ITFG1: variants seen among roughly 807,000 people sequenced by gnomAD.
ITFG1 encodes T-cell immunomodulatory protein.
A neutral mutation model predicts 81.8 loss-of-function variants in ITFG1; 34 were observed. That is an observed-to-expected ratio of 0.42 (90% CI 0.32 to 0.55). ITFG1 has a LOEUF of 0.55. ITFG1 is among the 20% of genes least tolerant of loss of function. The pLI is 0.17. For synonymous variants in ITFG1, 285 were observed against 270.6 expected, an observed-to-expected ratio of 1.05 and a Z score of -0.52; for missense variants, 672 against 755.4, an observed-to-expected ratio of 0.89 and a Z score of 1.29.
At chr16:47,193,094 C>A (rs1965312941) in intron 14 of ITFG1, among the ~76,000 whole-genome samples, 1 of 150,366 alleles carries the variant, frequency 6.7e-6, no homozygotes, top group South Asian at 2.1e-4. Flanking sequence ...TCAGTTTGTT[C>A]TTTTTTTTTG....
intron 6 of ITFG1, among the ~76,000 whole-genome samples, chr16:47,376,964 CAAAAAAAAAA>C (rs1222007051): frequency 5.5e-5 from 1 of 18,076 alleles, no homozygotes; most frequent in Admixed American, 8.5e-4. Context: ...TCTGTCTCCC[CAAAAAAAAAA>C]AAAAAAAAAA....
At chr16:47,313,697 A>G in intron 9 of ITFG1, 32 bp downstream of exon 9, 1 of 1,241,446 alleles carries the variant, frequency 8.1e-7, no homozygotes, top group Non-Finnish European at 1.1e-6. Context: ...CACATAAAAA[A>G]AAATGTTTAC....
intron 6 of ITFG1, among the ~76,000 whole-genome samples, chr16:47,404,978 A>C (rs1361227363): frequency 1.3e-5 from 2 of 151,408 alleles, no homozygotes; most frequent in African/African-American, 4.9e-5. Context: ...AGTTTATCTT[A>C]TTTTCTTGAT....
chr16:47,438,762 C>G (rs990598973), intron 5 of ITFG1, among the ~76,000 whole-genome samples: 1 of 152,148 alleles, frequency 6.6e-6, no homozygotes, highest in Admixed American at 6.5e-5. Context: ...ACTAGAAACT[C>G]TAAAAATCAG....
At chr16:47,389,054 A>G (rs1423637341) in intron 6 of ITFG1, among the ~76,000 whole-genome samples, 4 of 152,212 alleles carry the variant, frequency 2.6e-5, no homozygotes, top group Non-Finnish European at 5.9e-5. Context: ...GTTTAAAAGT[A>G]GGAAAAGCCC....
intron 14 of ITFG1, among the ~76,000 whole-genome samples, chr16:47,170,017 C>T (rs1240215258): frequency 1.3e-5 from 2 of 152,202 alleles, no homozygotes; most frequent in African/African-American, 2.4e-5. Context: ...ACAATCCTTG[C>T]ATTCCTGGGA....
intron 8 of ITFG1, among the ~76,000 whole-genome samples, chr16:47,324,982 C>A (rs1378500891): frequency 6.6e-6 from 1 of 152,164 alleles, no homozygotes. Context: ...ACCAAGCGGA[C>A]CTAATAGACA....
At chr16:47,324,997 C>T (rs1967511321) in intron 8 of ITFG1, among the ~76,000 whole-genome samples, 1 of 152,204 alleles carries the variant, frequency 6.6e-6, no homozygotes, top group South Asian at 2.1e-4. Context: ...TAGACATCTA[C>T]AGAACTCTCT....
intron 12 of ITFG1, among the ~76,000 whole-genome samples, chr16:47,255,541 A>C (rs1966129430): frequency 6.6e-6 from 1 of 152,222 alleles, no homozygotes; most frequent in Admixed American, 6.5e-5. Context: ...TTTTGGTAGA[A>C]TGCTTCTTAG....
In ITFG1 at chr16:47,279,471, C is replaced by T. The variant is rs555824786; in HGVS notation, c.1071-18776G>A. The stretch of plus-strand genomic sequence containing the variant: ...TAGTAAGCTGTACTTGTTTGGCAGT[C>T]TAAGTTATTCCACTGATCTATGTGT... On this transcript the variant is annotated intron_variant, in intron 10 of 17. Transcript: ENST00000320640. Among the ~76,000 whole-genome samples the T allele has an allele frequency of 7.2e-4, 110 of 152,214 alleles. 1 individual carries two copies. Among genetic ancestry groups the T allele is most frequent in the African/African-American group, 2.5e-3 (103 of 41,532 alleles).
intron 14 of ITFG1, among the ~76,000 whole-genome samples, chr16:47,180,861 G>A (rs1177243192): frequency 1.4e-5 from 2 of 146,988 alleles, no homozygotes; most frequent in African/African-American, 2.5e-5. Context: ...GGGATGTGAG[G>A]AGCCCCTCTG....
At chr16:47,322,379 C>T (rs1292647710) in intron 8 of ITFG1, among the ~76,000 whole-genome samples, 3 of 152,090 alleles carry the variant, frequency 2.0e-5, no homozygotes, top group South Asian at 2.1e-4. Flanking sequence ...TTATGATCTA[C>T]AACGTGATGT....
intron 14 of ITFG1, among the ~76,000 whole-genome samples, chr16:47,195,562 C>T (rs2151518837): frequency 6.6e-6 from 1 of 152,294 alleles, no homozygotes; most frequent in South Asian, 2.1e-4. Context: ...TATTCCTTCT[C>T]TAATGTTCTT....
intron 13 of ITFG1, 67 bp from the exon 14 acceptor site, chr16:47,219,013 T>C: frequency 8.5e-7 from 1 of 1,174,222 alleles, no homozygotes; most frequent in Non-Finnish European, 1.2e-6. Flanking sequence ...TTCAGGCAAA[T>C]CTCTTTCAAA....
chr16:47,317,217 T>C (rs1967373646), intron 8 of ITFG1, among the ~76,000 whole-genome samples: 1 of 152,150 alleles, frequency 6.6e-6, no homozygotes, highest in African/African-American at 2.4e-5. Context: ...TTTATTGAAA[T>C]AGAATTAAGG....
rs886065254 is a variant in ITFG1 at position 47,451,324 on chromosome 16, A to AT, written c.560+71dup. ...TTAAAAACAAGGATTCCAATGAGCT[A>AT]TTTTTTCTCCAATGGTTAAAGTAGA... On this transcript the variant is annotated intron_variant, in intron 5 of 17. Coordinates refer to ENST00000320640, the MANE Select transcript of ITFG1 (RefSeq NM_030790.5). 7.4e-5 allele frequency: 60 copies of AT among 813,698 alleles called. 1 individual carries two copies. The highest frequency in any genetic ancestry group is 5.4e-5 in the Non-Finnish European group (27 of 497,930). 50.4% of individuals were successfully genotyped at this position (813,698 alleles called of 1,614,324 possible). A position where few individuals can be genotyped will look rare whatever the true frequency, so the allele number is the denominator to read the frequency against.
chr16:47,272,723 T>C (rs528688033), intron 10 of ITFG1, among the ~76,000 whole-genome samples: 1 of 151,994 alleles, frequency 6.6e-6, no homozygotes, highest in Non-Finnish European at 1.5e-5. Context: ...GCCACTAAAT[T>C]GTATAGAATA....
At chr16:47,358,932 G>A (rs963109877) in intron 8 of ITFG1, among the ~76,000 whole-genome samples, 11 of 152,072 alleles carry the variant, frequency 7.2e-5, no homozygotes, top group Non-Finnish European at 1.6e-4. Context: ...GAAAAATAAA[G>A]CAGGAAAGCA....
chr16:47,368,957 G>T (rs1567476748), intron 7 of ITFG1, among the ~76,000 whole-genome samples: 1 of 152,042 alleles, frequency 6.6e-6, no homozygotes, highest in East Asian at 1.9e-4. Flanking sequence ...GACAGAGTTG[G>T]GGGAAAAGAC....
Sources: gnomAD v4.1 joint callset for allele counts (sites outside exome capture counted in the v4.1 genomes callset) on GRCh38, gnomAD v4.1.1 for gene constraint, MANE v1.5 for transcripts, NCBI Gene and HGNC (gene_info 2026-07-23, HGNC 2026-07-21) for gene names.